HHLA2: variants seen among roughly 807,000 people sequenced by gnomAD.
HHLA2 encodes the protein HERV-H LTR-associating protein 2.
In HHLA2, 48 loss-of-function variants were observed where a neutral mutation model predicts 45.9. The observed-to-expected ratio is 1.05, with a 90% CI of 0.83 to 1.33. The LOEUF is 1.33. Ranked by LOEUF, HHLA2 falls within the 40% of genes most tolerant of loss-of-function variation. HHLA2 has a pLI of 0.00. For synonymous variants in HHLA2, 161 were observed against 173.9 expected, an observed-to-expected ratio of 0.93 and a Z score of 0.59; for missense variants, 462 against 494.3, an observed-to-expected ratio of 0.93 and a Z score of 0.62.
At chr3:108,338,899 C>T (rs2081518781) in intron 3 of HHLA2, among the ~76,000 whole-genome samples, 1 of 152,228 alleles carries the variant, frequency 6.6e-6, no homozygotes, top group Non-Finnish European at 1.5e-5. Flanking sequence ...TTAGCAAGAG[C>T]TCTTTGCCTT....
chr3:108,316,224 T>C (rs956664276), intron 2 of HHLA2, among the ~76,000 whole-genome samples: 11 of 152,224 alleles, frequency 7.2e-5, no homozygotes, highest in Admixed American at 1.3e-4. Flanking sequence ...AAACAAATTA[T>C]AAAATCTTTA....
intron 2 of HHLA2, among the ~76,000 whole-genome samples, chr3:108,317,551 G>C (rs2081122006): frequency 2.0e-5 from 3 of 151,486 alleles, no homozygotes; most frequent in Admixed American, 6.6e-5. Flanking sequence ...GGGTGAGGTA[G>C]CCTAGGATAG....
chr3:108,358,715 A>AAT (rs1460390011), intron 7 of HHLA2, among the ~76,000 whole-genome samples: 13 of 152,208 alleles, frequency 8.5e-5, no homozygotes, highest in African/African-American at 3.1e-4. Context: ...CAAGTCATGG[A>AAT]ATATATACTC....
intron 3 of HHLA2, among the ~76,000 whole-genome samples, chr3:108,331,602 C>A (rs928976507): frequency 1.3e-5 from 2 of 152,074 alleles, no homozygotes; most frequent in Non-Finnish European, 2.9e-5. Context: ...TTCCAATAGG[C>A]CTCAAAATGC....
chr3:108,343,207 AC>A (rs1187193049), intron 3 of HHLA2, among the ~76,000 whole-genome samples: 3 of 152,148 alleles, frequency 2.0e-5, no homozygotes, highest in African/African-American at 7.2e-5. Flanking sequence ...CAGAACTTGA[AC>A]CTTTCCTGGC....
intron 2 of HHLA2, among the ~76,000 whole-genome samples, chr3:108,312,483 C>T (rs1033607019): frequency 1.4e-5 from 2 of 144,868 alleles, no homozygotes; most frequent in Admixed American, 1.4e-4. Context: ...GCTGTGAGTG[C>T]TGGCTGCTAA....
At chr3:108,368,627 A>AAAAGAC (rs1420323010) in intron 8 of HHLA2, among the ~76,000 whole-genome samples, 1 of 151,816 alleles carries the variant, frequency 6.6e-6, no homozygotes, top group Non-Finnish European at 1.5e-5. Flanking sequence ...CAAAGATCAA[A>AAAAGAC]AAAGACAAAG....
At chr3:108,331,935 T>C (rs2107383180) in intron 3 of HHLA2, among the ~76,000 whole-genome samples, 1 of 152,230 alleles carries the variant, frequency 6.6e-6, no homozygotes, top group East Asian at 1.9e-4. Context: ...TAAAGTTGTA[T>C]AAGTGCTTAA....
exon 7 of HHLA2, chr3:108,357,909 T>C: frequency 1.2e-6 from 2 of 1,613,906 alleles, no homozygotes; most frequent in South Asian, 2.2e-5. Flanking sequence ...TGATTATTTT[T>C]CACCAAACCA....
At chr3:108,349,203 GT>G (rs1190620291) in intron 3 of HHLA2, among the ~76,000 whole-genome samples, 232 of 42,904 alleles carry the variant, frequency 5.4e-3, no homozygotes, top group Non-Finnish European at 9.3e-3. Context: ...TCCAAGAGCT[GT>G]TTTTTTTAAA....
intron 3 of HHLA2, among the ~76,000 whole-genome samples, chr3:108,331,917 T>G (rs1252188934): frequency 3.3e-5 from 5 of 152,170 alleles, no homozygotes. Context: ...CTTTTGAAAC[T>G]AACCACATAA....
rs574088832 is a variant in HHLA2 at position 108,356,915 on chromosome 3, G to A, written c.686-929G>A. Among the ~76,000 whole-genome samples, 4 of 152,304 alleles carry A rather than the reference G, an allele frequency of 2.6e-5. No homozygotes were observed. In the South Asian group the frequency reaches 8.3e-4, roughly 32 times the overall value. On this transcript the variant is annotated intron_variant, in intron 6 of 10. Coordinates refer to ENST00000619531, the Ensembl canonical transcript of HHLA2. The stretch of plus-strand genomic sequence containing the variant: ...GTTGCATAAGGGTAGAATTTTAGAA[G>A]AGTAGTAGGACATTCCAGGAGAAGA...
At chr3:108,357,363 ATATTCT>A (rs1371147787) in intron 6 of HHLA2, among the ~76,000 whole-genome samples, 2 of 152,212 alleles carry the variant, frequency 1.3e-5, no homozygotes, top group Admixed American at 6.5e-5. Flanking sequence ...ACAGCTGGAA[ATATTCT>A]TATATGAAGA....
At chr3:108,318,906 G>A (rs532868943) in intron 2 of HHLA2, among the ~76,000 whole-genome samples, 38 of 152,282 alleles carry the variant, frequency 2.5e-4, no homozygotes, top group African/African-American at 8.7e-4. Flanking sequence ...CATTGGTTAT[G>A]ACATCTCATT....
intron 8 of HHLA2, among the ~76,000 whole-genome samples, chr3:108,369,677 A>G (rs1011060683): frequency 2.6e-5 from 4 of 152,172 alleles, no homozygotes; most frequent in Non-Finnish European, 4.4e-5. Context: ...CCTGTGCATG[A>G]CTCAGAGGGT....
At chr3:108,340,897 T>TTC (rs1387926134) in intron 3 of HHLA2, among the ~76,000 whole-genome samples, 1 of 20,750 alleles carries the variant, frequency 4.8e-5, no homozygotes, top group Non-Finnish European at 1.2e-4. Flanking sequence ...ACTCTTTTCT[T>TTC]TTTTTTTTTT....
chr3:108,318,869 T>C (rs1158095005), intron 2 of HHLA2, among the ~76,000 whole-genome samples: 1 of 152,234 alleles, frequency 6.6e-6, no homozygotes, highest in African/African-American at 2.4e-5. Flanking sequence ...CCCCAGAGAT[T>C]CATATTTATC....
intron 7 of HHLA2, among the ~76,000 whole-genome samples, chr3:108,358,764 C>T (rs2081941318): frequency 6.6e-6 from 1 of 152,210 alleles, no homozygotes; most frequent in Admixed American, 6.5e-5. Context: ...TGGTCCCACC[C>T]TTAAACTATC....
chr3:108,359,384 G>A (rs913502906), intron 7 of HHLA2, among the ~76,000 whole-genome samples: 2 of 152,158 alleles, frequency 1.3e-5, no homozygotes, highest in Non-Finnish European at 2.9e-5. Flanking sequence ...TCCCCACGAG[G>A]AAGAGGACTT....
Sources: allele counts gnomAD v4.1 joint callset (sites outside exome capture counted in the v4.1 genomes callset), GRCh38; gene constraint gnomAD v4.1.1; transcripts MANE v1.5; gene names NCBI Gene and HGNC (gene_info 2026-07-23, HGNC 2026-07-21).